The following ACSL3 variants were observed in gnomAD, a reference collection of about 807,000 sequenced individuals.
The protein encoded by ACSL3 is acyl-CoA synthetase long chain family member 3.
Under a neutral mutation model 84.7 loss-of-function variants are expected in ACSL3, and 34 were observed. That is an observed-to-expected ratio of 0.40 (90% CI 0.31 to 0.53). The LOEUF (loss-of-function observed/expected upper bound fraction) is 0.53, where lower values mean the gene tolerates loss of function less well. Ranked by LOEUF, ACSL3 falls within the 20% of genes least tolerant of loss-of-function variation. The pLI, the probability that ACSL3 is intolerant of heterozygous loss-of-function variation, is 0.48. For missense variants in ACSL3, 680 were observed against 873.1 expected (o/e 0.78, Z 2.79); for synonymous variants, 315 against 299.4 (o/e 1.05, Z -0.54).
chr2:222,923,139 C>T lies in ACSL3; in HGVS notation c.1142C>T (p.Ala381Val). 6.2e-7 allele frequency: 1 copy of T among 1,613,600 alleles called. No individual in the cohort carries two copies. Among genetic ancestry groups the T allele is most frequent in the South Asian group, 1.1e-5 (1 of 91,074 alleles). The part of the protein sequence containing the change: ...DTSMLKPTLM[A>V]AVPEIMDRIY... Reference sequence around the variant, plus strand: ...TCCATGTTGAAACCAACACTGATGGCAGCAGTTCCGGTAAGAAGTGACCCT... The same window carrying T: ...TCCATGTTGAAACCAACACTGATGGTAGCAGTTCCGGTAAGAAGTGACCCT... The change falls in exon 10 of 17, where the codon GCA becomes GTA. Residue 381 changes from alanine to valine, a missense_variant. Transcript: ENST00000357430.
intron 11 of ACSL3, among the ~76,000 whole-genome samples, chr2:222,926,460 A>G (rs921277553): frequency 6.6e-6 from 1 of 152,138 alleles, no homozygotes; most frequent in Non-Finnish European, 1.5e-5. Flanking sequence ...CAATCTTTGT[A>G]TTAGTGTATT....
rs760322743 is a variant in ACSL3, at chr2:222,930,825, A to G, written c.1732+13A>G. ...TTAAAGATTATTGGTAAGTCATCTAATATTTTTTTGAAAATGAATGTTTCT... is the reference window on the plus strand; with the variant it reads ...TTAAAGATTATTGGTAAGTCATCTAGTATTTTTTTGAAAATGAATGTTTCT... On this transcript the variant is annotated intron_variant, in intron 14 of 16. Coordinates refer to ENST00000357430, the MANE Select transcript of ACSL3 (RefSeq NM_004457.5). 2.5e-6 allele frequency: 4 copies of G among 1,578,242 alleles called. No individual in the cohort carries two copies. In the South Asian group the frequency reaches 4.6e-5, roughly 18 times the overall value.
chr2:222,940,960 G>T (rs891404098), intron 16 of ACSL3, among the ~76,000 whole-genome samples: 1 of 151,898 alleles, frequency 6.6e-6, no homozygotes, highest in African/African-American at 2.4e-5. Flanking sequence ...GAGTGCAGTA[G>T]CACGATCATA....
At chr2:222,886,660 T>C (rs1485665439) in intron 1 of ACSL3, among the ~76,000 whole-genome samples, 1 of 152,246 alleles carries the variant, frequency 6.6e-6, no homozygotes, top group Non-Finnish European at 1.5e-5. Context: ...CACATATACA[T>C]CTTAATACTT....
In ACSL3 at chr2:222,930,725, G is replaced by A; in HGVS notation, c.1645G>A (p.Asp549Asn). 1 of 1,614,112 alleles carries A rather than the reference G, an allele frequency of 6.2e-7. No individual in the cohort carries two copies. Among genetic ancestry groups the A allele is most frequent in the Non-Finnish European group, 8.5e-7 (1 of 1,179,986 alleles). ...YYKNEAKTKADFFEDENGQRW... is the reference protein window; with the variant it reads ...YYKNEAKTKANFFEDENGQRW... ...CAAAAATGAAGCAAAAACAAAAGCT[G>A]ATTTCTTTGAAGATGAAAATGGACA... is the stretch of plus-strand genomic sequence containing the variant. The change falls in exon 14 of 17, where the codon GAT (aspartate) becomes AAT (asparagine). Residue 549 changes from aspartate (D) to asparagine (N), a missense_variant. Coordinates refer to ENST00000357430, the MANE Select transcript of ACSL3 (RefSeq NM_004457.5).
At position 222,943,085 on chromosome 2, in the gene ACSL3, CAA is replaced by C. The variant is rs11331027; in HGVS notation, c.*1444_*1445del. 81 of 188,880 alleles carry C rather than the reference CAA, an allele frequency of 4.3e-4. No homozygotes were observed. Among genetic ancestry groups the C allele is most frequent in the Middle Eastern group, 1.7e-3 (1 of 596 alleles). The allele number at this position is 188,880 out of a possible 1,614,324, so 11.7% of individuals were successfully genotyped here. Reference sequence around the variant, plus strand: ...ACTGTAGGCATCAAAAGGCAAAAATCAAAAAAAAAAAAAACAAAAACAAAAAA... The same window carrying C: ...ACTGTAGGCATCAAAAGGCAAAAATCAAAAAAAAAAAACAAAAACAAAAAA... On this transcript the variant is annotated 3_prime_UTR_variant, in exon 17 of 17. Coordinates refer to ENST00000357430, the MANE Select transcript of ACSL3 (RefSeq NM_004457.5).
At chr2:222,925,999 T>C (rs1270661041) in intron 11 of ACSL3, among the ~76,000 whole-genome samples, 2 of 152,252 alleles carry the variant, frequency 1.3e-5, no homozygotes, top group Admixed American at 6.5e-5. Context: ...TGTAAGTTTT[T>C]TTCCTGCCTT....
chr2:222,930,257 C>A (rs1158035257), intron 13 of ACSL3, among the ~76,000 whole-genome samples: 2 of 152,076 alleles, frequency 1.3e-5, no homozygotes, highest in Non-Finnish European at 2.9e-5. Flanking sequence ...GGGATTTGTT[C>A]TATTAATTGC....
intron 7 of ACSL3, 133 bp from the exon 8 acceptor site, chr2:222,921,146 TA>T (rs1333437419): frequency 1.1e-6 from 1 of 951,626 alleles, no homozygotes; most frequent in African/African-American, 1.6e-5. Context: ...GATCTCAGTA[TA>T]ACTAATATTT....
intron 7 of ACSL3, 176 bp downstream of exon 7, chr2:222,919,378 G>A: frequency 2.0e-6 from 1 of 495,168 alleles, no homozygotes; most frequent in Non-Finnish European, 3.3e-6. Flanking sequence ...AAAGTTTTAA[G>A]GAAAAATATA....
chr2:222,874,545 C>T (rs1413383746), intron 1 of ACSL3, among the ~76,000 whole-genome samples: 1 of 151,450 alleles, frequency 6.6e-6, no homozygotes, highest in Non-Finnish European at 1.5e-5. Context: ...ATAAAAAATA[C>T]TAACTGAGTT....
At chr2:222,927,857 G>C (rs1185328237) in intron 12 of ACSL3, among the ~76,000 whole-genome samples, 1 of 152,018 alleles carries the variant, frequency 6.6e-6, no homozygotes, top group Non-Finnish European at 1.5e-5. Flanking sequence ...TATTTATTTT[G>C]AGTGGCTCTG....
chr2:222,878,673 CAA>C (rs1281813320), intron 1 of ACSL3, among the ~76,000 whole-genome samples: 1 of 152,202 alleles, frequency 6.6e-6, no homozygotes. Flanking sequence ...GTATTTCTAA[CAA>C]TATAGTGAAT....
chr2:222,933,444 C>T, intron 15 of ACSL3, 164 bp downstream of exon 15: 1 of 526,018 alleles, frequency 1.9e-6, no homozygotes, highest in East Asian at 3.1e-5. Flanking sequence ...GACTCTTTTC[C>T]TTGTAAGGCT....
chr2:222,923,254 G>T, intron 10 of ACSL3, 105 bp downstream of exon 10: 2 of 922,606 alleles, frequency 2.2e-6, no homozygotes, highest in Non-Finnish European at 3.4e-6. Context: ...GTTTATGTAG[G>T]ATTTATTCCT....
chr2:222,934,476 A>C, intron 15 of ACSL3, 54 bp from the exon 16 acceptor site: 1 of 1,375,954 alleles, frequency 7.3e-7, no homozygotes, highest in Non-Finnish European at 9.6e-7. Context: ...TAATAACTGC[A>C]GTCAACACAG....
chr2:222,902,874 C>A (rs1384808556), intron 3 of ACSL3, among the ~76,000 whole-genome samples: 1 of 152,210 alleles, frequency 6.6e-6, no homozygotes, highest in Admixed American at 6.5e-5. Context: ...GACAGACTTT[C>A]TCCCTCTGGG....
rs1697126112 is a variant in ACSL3, at chr2:222,934,632, C to T, written c.1950C>T (p.Asn650=). 1 of 1,609,402 alleles carries T rather than the reference C, an allele frequency of 6.2e-7. No individual in the cohort carries two copies. The highest frequency in any genetic ancestry group is 8.5e-7 in the Non-Finnish European group (1 of 1,178,414). The change falls in exon 16 of 17, where the codon AAC becomes AAT. Residue 650 remains asparagine (N), a synonymous_variant. Transcript: ENST00000357430. ...AAGGGACTTGGGAGGAGCTGTGTAACAGTTGTGAAATGGAAAATGAGGTAC... is the reference window on the plus strand; with the variant it reads ...AAGGGACTTGGGAGGAGCTGTGTAATAGTTGTGAAATGGAAAATGAGGTAC... ...GLKGTWEELC[N]SCEMENEVLK...
chr2:222,884,161 C>G (rs912823942), intron 1 of ACSL3, among the ~76,000 whole-genome samples: 6 of 152,108 alleles, frequency 3.9e-5, no homozygotes, highest in Non-Finnish European at 8.8e-5. Context: ...AATGGTTTTC[C>G]TGTTTCTAGT....
Sources: allele counts gnomAD v4.1 joint callset (sites outside exome capture counted in the v4.1 genomes callset), GRCh38; gene constraint gnomAD v4.1.1; transcripts MANE v1.5; gene names NCBI Gene and HGNC (gene_info 2026-07-23, HGNC 2026-07-21).